DNAJC6: variants seen among roughly 807,000 people sequenced by gnomAD.
DNAJC6 encodes the protein auxilin.
DNAJC6 carries 34 observed loss-of-function variants against 110.0 expected under a neutral mutation model. That is an observed-to-expected ratio of 0.31 (90% CI 0.24 to 0.41). The LOEUF is 0.41. Ranked by LOEUF, DNAJC6 falls within the 10% of genes least tolerant of loss-of-function variation. The probability of loss-of-function intolerance (pLI) is 1.00; values close to 1 mark genes in which losing one functional copy is unlikely to be tolerated. For synonymous variants in DNAJC6, 406 were observed against 437.2 expected (o/e 0.93, Z 0.89); for missense variants, 1,031 against 1,207.8 (o/e 0.85, Z 2.17).
At chr1:65,400,817 A>G (rs1207264417) in intron 14 of DNAJC6, among the ~76,000 whole-genome samples, 1 of 152,202 alleles carries the variant, frequency 6.6e-6, no homozygotes, top group Admixed American at 6.5e-5. Context: ...TCTTTGACAT[A>G]CTGACTTGAT....
chr1:65,370,381 A>G (rs1440488977), intron 4 of DNAJC6, among the ~76,000 whole-genome samples: 1 of 152,210 alleles, frequency 6.6e-6, no homozygotes, highest in East Asian at 1.9e-4. Flanking sequence ...CATCCCCAAC[A>G]TAAACACTGT....
intron 1 of DNAJC6, among the ~76,000 whole-genome samples, chr1:65,352,486 G>C (rs1433320176): frequency 1.3e-5 from 2 of 152,130 alleles, no homozygotes; most frequent in African/African-American, 4.8e-5. Context: ...TGACCTCTTT[G>C]AGACACAGTT....
upstream of DNAJC6, among the ~76,000 whole-genome samples, chr1:65,306,276 T>C (rs976400176): frequency 3.9e-5 from 6 of 152,084 alleles, no homozygotes; most frequent in Non-Finnish European, 5.9e-5. Flanking sequence ...CTCAATCTCC[T>C]GACCTCGTGA....
rs372609756 is a variant in DNAJC6, at chr1:65,285,918, G to C, written c.-131+20986G>C. 3.3e-5 allele frequency among the ~76,000 whole-genome samples: 5 copies of C among 152,038 alleles called. No homozygotes were observed. In the East Asian group the frequency reaches 9.7e-4, roughly 29 times the overall value. ...ACTCCTGGCCTCGAGTGATCTGCCC[G>C]CCTCGGCCTTCCAAAGTGCTGGGAT... On this transcript the variant is annotated intron_variant, in intron 1 of 19. Transcript: ENST00000263441.
At chr1:65,407,483 A>G (rs1042091414) in intron 16 of DNAJC6, among the ~76,000 whole-genome samples, 1 of 152,200 alleles carries the variant, frequency 6.6e-6, no homozygotes, top group Non-Finnish European at 1.5e-5. Context: ...GAACCCTGGC[A>G]ATCTGGCTCC....
At position 65,408,757 on chromosome 1, in the gene DNAJC6, A is replaced by G. The variant is rs944267690; in HGVS notation, c.2608A>G (p.Lys870Glu). 1 of 1,613,672 alleles carries G rather than the reference A, an allele frequency of 6.2e-7. No homozygotes were observed. The highest frequency in any genetic ancestry group is 8.5e-7 in the Non-Finnish European group (1 of 1,179,890). The change falls in exon 17 of 19, where the codon AAG (lysine) becomes GAG (glutamate). Residue 870 changes from lysine to glutamate, a missense_variant. Lys to Glu is a moderately conservative substitution (Grantham distance 56). Transcript: ENST00000371069. ...IAEMRKEEMAKEMDPEKLKIL... is the reference protein window; with the variant it reads ...IAEMRKEEMAEEMDPEKLKIL... Reference sequence around the variant, plus strand: ...TGAGATGAGAAAGGAGGAAATGGCCAAGGAAATGGATCCTGAGAAATTAAA... The same window carrying G: ...TGAGATGAGAAAGGAGGAAATGGCCGAGGAAATGGATCCTGAGAAATTAAA...
chr1:65,289,519 G>A (rs1654130066), intron 1 of DNAJC6, among the ~76,000 whole-genome samples: 2 of 152,216 alleles, frequency 1.3e-5, no homozygotes, highest in Non-Finnish European at 2.9e-5. Flanking sequence ...AGCCATTCTA[G>A]TTAGTGTATC....
In DNAJC6 at chr1:65,389,561, G is replaced by T; in HGVS notation, c.1402G>T (p.Asp468Tyr). ...TLALGGQAPI[D>Y]IPPDNPRHYG... is the part of the protein sequence containing the mutation. ...TTGTCTTGCAGGACAGGCTCCAATA[G>T]ATATCCCTCCAGACAACCCCAGGCA... Residue 468 changes from aspartate (D) to tyrosine (Y), a missense_variant, in exon 11 of 19, where the codon GAT becomes TAT. Transcript: ENST00000371069. 1 of 1,614,176 alleles carries T rather than the reference G, an allele frequency of 6.2e-7. No individual in the cohort carries two copies.
chr1:65,373,691 C>T (rs1190582523), intron 4 of DNAJC6, among the ~76,000 whole-genome samples: 2 of 150,198 alleles, frequency 1.3e-5, no homozygotes, highest in African/African-American at 4.9e-5. Flanking sequence ...AATTTCTTGT[C>T]AAATGAATAG....
intron 1 of DNAJC6, among the ~76,000 whole-genome samples, chr1:65,266,128 A>G (rs564099662): frequency 4.6e-5 from 7 of 152,344 alleles, no homozygotes; most frequent in African/African-American, 1.7e-4. Context: ...GAGACGTGCA[A>G]CAACGCAGGC....
At chr1:65,279,117 C>T in intron 1 of DNAJC6, 4 of 985,428 alleles carry the variant, frequency 4.1e-6, no homozygotes, top group Non-Finnish European at 4.8e-6. Context: ...AAGAGCCCAG[C>T]ACAAGGTATG....
intron 11 of DNAJC6, among the ~76,000 whole-genome samples, chr1:65,390,603 G>C (rs1030390945): frequency 6.6e-6 from 1 of 152,150 alleles, no homozygotes; most frequent in Non-Finnish European, 1.5e-5. Context: ...TGTAGACGTG[G>C]GTAGTCAGTG....
chr1:65,401,868 C>A lies in DNAJC6; in HGVS notation c.2215C>A (p.Leu739Ile). The change falls in exon 15 of 19, where the codon CTT becomes ATT. Residue 739 changes from leucine to isoleucine, a missense_variant. Physicochemically the swap from Leu to Ile is conservative, Grantham distance 5. Transcript: ENST00000371069. ...CCAGACTCTGGATCCTTTTGCCGACCTTGGGACACTAGGTACAAACTCAGA... is the reference window on the plus strand; with the variant it reads ...CCAGACTCTGGATCCTTTTGCCGACATTGGGACACTAGGTACAAACTCAGA... ...KPQTLDPFADLGTLGSSSFAS... is the reference protein window; with the variant it reads ...KPQTLDPFADIGTLGSSSFAS... 1 of 1,613,536 alleles carries A rather than the reference C, an allele frequency of 6.2e-7. No individual in the cohort carries two copies. Among genetic ancestry groups the A allele is most frequent in the South Asian group, 1.1e-5 (1 of 90,974 alleles).
At chr1:65,318,204 A>C (rs1291318560) in intron 1 of DNAJC6, among the ~76,000 whole-genome samples, 1 of 152,248 alleles carries the variant, frequency 6.6e-6, no homozygotes, top group East Asian at 1.9e-4. Flanking sequence ...TTTAGGGTCC[A>C]CAAAAATGTT....
At chr1:65,266,299 A>G (rs1653329007) in intron 1 of DNAJC6, among the ~76,000 whole-genome samples, 1 of 152,156 alleles carries the variant, frequency 6.6e-6, no homozygotes, top group African/African-American at 2.4e-5. Context: ...CCCACTCACA[A>G]TCTAATGCCA....
At chr1:65,265,790 G>A (rs1653298788) in intron 1 of DNAJC6, among the ~76,000 whole-genome samples, 1 of 152,128 alleles carries the variant, frequency 6.6e-6, no homozygotes, top group Admixed American at 6.6e-5. Flanking sequence ...CTATTGCGCT[G>A]GTCGTGCTCC....
At chr1:65,369,316 T>G (rs1172466906) in intron 4 of DNAJC6, among the ~76,000 whole-genome samples, 1 of 152,162 alleles carries the variant, frequency 6.6e-6, no homozygotes, top group Non-Finnish European at 1.5e-5. Flanking sequence ...TGCCTACATC[T>G]CTTTTCAAAC....
intron 1 of DNAJC6, among the ~76,000 whole-genome samples, chr1:65,301,615 A>G (rs1158308765): frequency 6.6e-6 from 1 of 152,120 alleles, no homozygotes; most frequent in Non-Finnish European, 1.5e-5. Flanking sequence ...ATAATAAAGG[A>G]TATTACAAAG....
Position 65,408,701 on chromosome 1 carries a change from A to C in DNAJC6, c.2552A>C (p.His851Pro). Residue 851 changes from histidine (H) to proline (P), a missense_variant, in exon 17 of 19, where the codon CAC becomes CCC. By Grantham distance (77) the His-to-Pro change is moderately conservative. Transcript: ENST00000371069. ...DLLSGQGFNA[H>P]KDKKGPRTIA... is the part of the protein sequence containing the mutation. The stretch of plus-strand genomic sequence containing the variant: ...CTCTCTGGTCAAGGTTTCAATGCTC[A>C]CAAAGACAAAAAGGGGCCTCGGACA... 1 of 1,614,138 alleles carries C rather than the reference A, an allele frequency of 6.2e-7. No homozygotes were observed. Among genetic ancestry groups the C allele is most frequent in the African/African-American group, 1.3e-5 (1 of 75,058 alleles).
Sources: gnomAD v4.1 joint callset for allele counts (sites outside exome capture counted in the v4.1 genomes callset) on GRCh38, gnomAD v4.1.1 for gene constraint, MANE v1.5 for transcripts, NCBI Gene and HGNC (gene_info 2026-07-23, HGNC 2026-07-21) for gene names.